Variants in PALLD observed in about 807,000 individuals in gnomAD.
PALLD encodes the protein palladin.
Under a neutral mutation model 123.5 loss-of-function variants are expected in PALLD, and 61 were observed. That is an observed-to-expected ratio of 0.49 (90% CI 0.40 to 0.61). PALLD has a LOEUF of 0.61. Ranked by LOEUF, PALLD falls within the 20% of genes least tolerant of loss-of-function variation. The pLI, the probability that PALLD is intolerant of heterozygous loss-of-function variation, is 0.00. For missense variants in PALLD, 1,273 were observed against 1,377.0 expected, an observed-to-expected ratio of 0.92 and a Z score of 1.20; for synonymous variants, 465 against 496.4, an observed-to-expected ratio of 0.94 and a Z score of 0.84.
intron 1 of PALLD, among the ~76,000 whole-genome samples, chr4:168,510,521 G>A (rs1762434422): frequency 6.6e-6 from 1 of 152,062 alleles, no homozygotes; most frequent in South Asian, 2.1e-4. Flanking sequence ...CATGATAACT[G>A]TGCTGTAAGT....
At chr4:168,793,484 A>T (rs1737944386) in intron 10 of PALLD, among the ~76,000 whole-genome samples, 1 of 151,598 alleles carries the variant, frequency 6.6e-6, no homozygotes, top group Admixed American at 6.6e-5. Context: ...GCTCCCTCCC[A>T]CCTCACCCCA....
intron 2 of PALLD, among the ~76,000 whole-genome samples, chr4:168,656,535 A>G (rs1174417860): frequency 6.6e-6 from 1 of 152,214 alleles, no homozygotes. Context: ...CATTAGTGCC[A>G]AAACGACATT....
chr4:168,904,131 A>T, intron 15 of PALLD: 1 of 542,132 alleles, frequency 1.8e-6, no homozygotes, highest in Non-Finnish European at 3.3e-6. Flanking sequence ...CACAAATATT[A>T]TTAAGGGTCT....
At chr4:168,725,437 G>A (rs1183639353) in intron 10 of PALLD, among the ~76,000 whole-genome samples, 1 of 147,174 alleles carries the variant, frequency 6.8e-6, no homozygotes, top group Non-Finnish European at 1.5e-5. Flanking sequence ...CTCAATGTTT[G>A]AAACAAAAAA....
At chr4:168,596,127 G>A (rs1437956036) in intron 2 of PALLD, among the ~76,000 whole-genome samples, 1 of 152,014 alleles carries the variant, frequency 6.6e-6, no homozygotes, top group African/African-American at 2.4e-5. Flanking sequence ...AAATGAAAAT[G>A]TCTTGAGTAC....
At chr4:168,710,031 A>G (rs1784684371) in intron 9 of PALLD, among the ~76,000 whole-genome samples, 1 of 152,136 alleles carries the variant, frequency 6.6e-6, no homozygotes, top group African/African-American at 2.4e-5. Context: ...CCACTGTTGA[A>G]ACTTCTGAAA....
At chr4:168,520,327 C>CAAAA (rs1554034658) in intron 2 of PALLD, among the ~76,000 whole-genome samples, 1 of 101,612 alleles carries the variant, frequency 9.8e-6, no homozygotes, top group Non-Finnish European at 1.9e-5. Context: ...ATTCCGTCAC[C>CAAAA]AAAAAAAAAA....
Position 168,894,694 on chromosome 4 carries a change from G to C in PALLD, c.2199+17G>C. The stretch of plus-strand genomic sequence containing the variant: ...GCTAATCAGGTACCATGTTGCTCTG[G>C]ACTTCTTAGGGTAACATTTATTCTG... On this transcript the variant is annotated intron_variant, in intron 12 of 21. Transcript: ENST00000505667. 1 of 1,610,470 alleles carries C rather than the reference G, an allele frequency of 6.2e-7. No homozygotes were observed. The highest frequency in any genetic ancestry group is 8.5e-7 in the Non-Finnish European group (1 of 1,178,020).
At chr4:168,837,571 C>G (rs1581705286) in intron 10 of PALLD, among the ~76,000 whole-genome samples, 1 of 152,204 alleles carries the variant, frequency 6.6e-6, no homozygotes, top group South Asian at 2.1e-4. Flanking sequence ...TCGTTGAGTA[C>G]TTCAAACCAG....
intron 2 of PALLD, among the ~76,000 whole-genome samples, chr4:168,633,828 C>T (rs1053108263): frequency 6.6e-6 from 1 of 152,174 alleles, no homozygotes; most frequent in African/African-American, 2.4e-5. Flanking sequence ...TTCCATCAAG[C>T]TTTAATCATA....
chr4:168,737,569 G>A (rs1479709968), intron 10 of PALLD, among the ~76,000 whole-genome samples: 2 of 151,734 alleles, frequency 1.3e-5, no homozygotes, highest in African/African-American at 2.4e-5. Context: ...AAGGGGCTTT[G>A]CAGTCAAACA....
At chr4:168,741,681 C>T (rs1166324877) in intron 10 of PALLD, among the ~76,000 whole-genome samples, 1 of 151,734 alleles carries the variant, frequency 6.6e-6, no homozygotes, top group East Asian at 1.9e-4. Flanking sequence ...ACAATCCTAT[C>T]TCAAAAACAA....
chr4:168,883,579 G>A (rs1752924404), intron 10 of PALLD, among the ~76,000 whole-genome samples: 1 of 152,192 alleles, frequency 6.6e-6, no homozygotes, highest in East Asian at 1.9e-4. Context: ...CATATCAAGG[G>A]AAGGATGCTT....
chr4:168,541,460 T>C (rs1330735584), intron 2 of PALLD, among the ~76,000 whole-genome samples: 1 of 29,276 alleles, frequency 3.4e-5, no homozygotes, highest in Non-Finnish European at 8.6e-5. Flanking sequence ...TATTTATTTA[T>C]TTATTTATTT....
chr4:168,877,607 G>GT, intron 10 of PALLD: 1 of 346,002 alleles, frequency 2.9e-6, no homozygotes, highest in Non-Finnish European at 4.3e-6. Flanking sequence ...CGTTCCCTGG[G>GT]TGTTCTCTGC....
chr4:168,667,898 CACTG>C lies in PALLD; in HGVS notation c.909-290_909-287del, dbSNP rs374248721. ...ATTTGTTATAAAGCATTTTATAAGA[CACTG>C]AGTTTCTGTTCCTTTTATAACTGAA... On this transcript the variant is annotated intron_variant, in intron 2 of 21. Transcript: ENST00000505667. 2.5e-3 allele frequency among the ~76,000 whole-genome samples: 376 copies of C among 152,190 alleles called. 1 individual carries two copies. The highest frequency in any genetic ancestry group is 8.4e-3 in the African/African-American group (350 of 41,524).
chr4:168,665,392 T>A (rs753852317), intron 2 of PALLD, among the ~76,000 whole-genome samples: 5 of 152,198 alleles, frequency 3.3e-5, no homozygotes, highest in African/African-American at 4.8e-5. Context: ...ATTTTCAGTG[T>A]CTCTGCTGCT....
chr4:168,773,481 G>A (rs1339558437), intron 10 of PALLD, among the ~76,000 whole-genome samples: 2 of 152,132 alleles, frequency 1.3e-5, no homozygotes, highest in African/African-American at 4.8e-5. Context: ...TGAGTGTCAG[G>A]CCTGATTGCT....
intron 10 of PALLD, among the ~76,000 whole-genome samples, chr4:168,761,645 G>GTTTTTTTTTTTTTGTTTTTTTTTTTTT (rs1732878013): frequency 1.1e-5 from 1 of 88,024 alleles, no homozygotes; most frequent in African/African-American, 4.1e-5. Flanking sequence ...GTTGTTGTTT[G>GTTTTTTTTTTTTTGTTTTTTTTTTTTT]TTTTTTTTTT....
Sources: allele counts gnomAD v4.1 joint callset (sites outside exome capture counted in the v4.1 genomes callset), GRCh38; gene constraint gnomAD v4.1.1; transcripts MANE v1.5; gene names NCBI Gene and HGNC (gene_info 2026-07-23, HGNC 2026-07-21).